ARHGAP45: variants seen among roughly 807,000 people sequenced by gnomAD.
The protein encoded by ARHGAP45 is Rho GTPase activating protein 45, also known as rho GTPase-activating protein 45.
In ARHGAP45, 56 loss-of-function variants were observed where a neutral mutation model predicts 116.1. The ratio of observed to expected loss-of-function variants is 0.48; its 90% CI spans 0.39 to 0.60. ARHGAP45 has a LOEUF of 0.60. Ranked by LOEUF, ARHGAP45 falls within the 20% of genes least tolerant of loss-of-function variation. ARHGAP45 has a pLI of 0.00. For missense variants in ARHGAP45, 1,622 were observed against 1,601.0 expected, an observed-to-expected ratio of 1.01 and a Z score of -0.22; for synonymous variants, 866 against 701.7, an observed-to-expected ratio of 1.23 and a Z score of -3.70.
intron 19 of ARHGAP45, 124 bp downstream of exon 19, chr19:1,082,085 C>T (rs1228181080): frequency 1.3e-6 from 1 of 795,854 alleles, no homozygotes; most frequent in Non-Finnish European, 1.8e-6. Flanking sequence ...CAAGCGGGGG[C>T]CTGGGGAGGA....
At chr19:1,075,722 T>G (rs2043233715) in intron 10 of ARHGAP45, among the ~76,000 whole-genome samples, 2 of 152,202 alleles carry the variant, frequency 1.3e-5, no homozygotes, top group Non-Finnish European at 2.9e-5. Context: ...GCAATGATCC[T>G]CCCACCTCAG....
rs1353199976 is a variant in ARHGAP45 at position 1,082,842 on chromosome 19, T to G, written c.2520T>G (p.Leu840=). The change falls in exon 20 of 23, where the codon CTT becomes CTG. Residue 840 remains leucine, a splice_region_variant and synonymous_variant. Transcript: ENST00000313093. ...TGCTGACCCTTGACTCTGCGCAGCT[T>G]CCCGAGCCGCTCATCTCCTTCCGCC... The part of the protein sequence containing the change: ...SNVLKLYLRQ[L]PEPLISFRLY... The G allele has an allele frequency of 2.0e-6, 3 of 1,497,144 alleles. No individual in the cohort carries two copies. The highest frequency in any genetic ancestry group is 2.3e-5 in the East Asian group (1 of 42,664). The allele number at this position is 1,497,144 out of a possible 1,614,324, so 92.7% of individuals were successfully genotyped here.
Position 1,073,663 on chromosome 19 carries a change from T to C in ARHGAP45, c.651-11T>C, listed in dbSNP as rs1246009958. The C allele has an allele frequency of 1.9e-6, 3 of 1,608,766 alleles. No individual in the cohort carries two copies. Among genetic ancestry groups the C allele is most frequent in the Non-Finnish European group, 2.5e-6 (3 of 1,177,436 alleles). ...GGGTGTCTCTCGATGGTGACCTCGC[T>C]GGCCCTGCAGAGTGTCCGAGTTCCT... On this transcript the variant is annotated splice_polypyrimidine_tract_variant and intron_variant, in intron 4 of 22. Transcript: ENST00000313093.
intron 11 of ARHGAP45, 85 bp downstream of exon 11, chr19:1,078,130 GTTTTTGTT>G (rs112640352): frequency 0.37 from 532,208 of 1,448,536 alleles, 99,707 homozygotes; most frequent in African/African-American, 0.46. Flanking sequence ...CCAGACCTTT[GTTTTTGTT>G]TTTTTGTTTT....
At position 1,085,812 on chromosome 19, in the gene ARHGAP45, G is replaced by T. The variant is rs139988914; in HGVS notation, c.3217G>T (p.Gly1073Cys). The change falls in exon 23 of 23, where the codon GGC (glycine) becomes TGC (cysteine). Residue 1073 changes from glycine to cysteine, a missense_variant. Physicochemically the swap from Gly to Cys is radical, Grantham distance 159 (BLOSUM62 -3). Coordinates refer to ENST00000313093, the MANE Select transcript of ARHGAP45 (RefSeq NM_012292.5). ...AGAGGTGGCTTCTGGCAGCCACAGC[G>T]GCAGTGAGGAGCAGCTGGAGGCCAC... ...SLEVASGSHS[G>C]SEEQLEATAR... is the part of the protein sequence containing the mutation. 2.5e-6 allele frequency: 4 copies of T among 1,612,892 alleles called. No homozygotes were observed. In the East Asian group the frequency reaches 6.7e-5, roughly 27 times the overall value.
intron 21 of ARHGAP45, among the ~76,000 whole-genome samples, 183 bp downstream of exon 21, chr19:1,083,536 C>T (rs1356696684): frequency 6.6e-6 from 1 of 152,184 alleles, no homozygotes; most frequent in East Asian, 1.9e-4. Flanking sequence ...GCGAGGTCTG[C>T]ATTGAATCTG....
Position 1,083,250 on chromosome 19 carries a change from C to T in ARHGAP45, c.2852C>T (p.Ser951Phe). 1 of 1,604,436 alleles carries T rather than the reference C, an allele frequency of 6.2e-7. No homozygotes were observed. The highest frequency in any genetic ancestry group is 8.5e-7 in the Non-Finnish European group (1 of 1,175,804). Reference protein sequence around the residue: ...PRPTEATVSLSSLVDYPHQAR... With the variant: ...PRPTEATVSLFSLVDYPHQAR... ...CCCACCGAGGCCACCGTGTCCCTCT[C>T]CTCCCTGGTGGATTATCCCCATCAG... Residue 951 changes from serine to phenylalanine, a missense_variant, in exon 21 of 23, where the codon TCC becomes TTC. Coordinates refer to ENST00000313093, the MANE Select transcript of ARHGAP45 (RefSeq NM_012292.5).
intron 21 of ARHGAP45, 142 bp from the exon 22 acceptor site, chr19:1,084,096 G>A (rs549375608): frequency 7.5e-5 from 55 of 731,446 alleles, no homozygotes; most frequent in African/African-American, 7.4e-4. Context: ...GCGGTTTCTC[G>A]GGTTTGCTCT....
At chr19:1,077,230 G>A (rs1186535146) in intron 10 of ARHGAP45, 11 of 985,276 alleles carry the variant, frequency 1.1e-5, no homozygotes, top group East Asian at 1.1e-4. Context: ...AGACGCTCCC[G>A]TGGGGGCTGG....
In ARHGAP45 at chr19:1,068,743, C is replaced by G. The variant is rs3764655; in HGVS notation, c.420C>G (p.Asp140Glu). 1 of 1,610,288 alleles carries G rather than the reference C, an allele frequency of 6.2e-7. No homozygotes were observed. The highest frequency in any genetic ancestry group is 8.5e-7 in the Non-Finnish European group (1 of 1,178,356). Residue 140 changes from aspartate (D) to glutamate (E), a missense_variant and splice_region_variant, in exon 2 of 23, where the codon GAC (aspartate) becomes GAG (glutamate). This residue lies in a region of ARHGAP45 where 279 missense variants were observed against 311.9 expected (regional missense o/e 0.89). Coordinates refer to ENST00000313093, the MANE Select transcript of ARHGAP45 (RefSeq NM_012292.5). This position sits in a 1 kb window ranked among gnomAD's most constrained non-coding sequence, Gnocchi z 7.5. ...LEKLKECVLR[D>E]DLLEARRPRA... is the part of the protein sequence containing the mutation. ...AACTTAAGGAGTGTGTGTTGCGTGA[C>G]GGTGAGAGCCACGGGGACACCGAGG... is the stretch of plus-strand genomic sequence containing the variant.
chr19:1,082,183 G>C (rs527763557), intron 19 of ARHGAP45, among the ~76,000 whole-genome samples: 1 of 146,394 alleles, frequency 6.8e-6, no homozygotes, highest in Non-Finnish European at 1.5e-5. Flanking sequence ...GTTCTGCGCC[G>C]AGGCACGGAC....
upstream of ARHGAP45, chr19:1,066,229 G>T: frequency 2.5e-6 from 3 of 1,209,828 alleles, no homozygotes; most frequent in Non-Finnish European, 3.3e-6. Context: ...TGGGGTTCTG[G>T]AAGGGGACAG....
rs974906922 is a variant in ARHGAP45, at chr19:1,071,196, G to A, written c.422-1953G>A. 2.9e-6 allele frequency: 4 copies of A among 1,386,644 alleles called. No homozygotes were observed. In the African/African-American group the frequency reaches 6.2e-5, roughly 22 times the overall value. 85.9% of individuals were successfully genotyped at this position (1,386,644 alleles called of 1,614,324 possible). A position where few individuals can be genotyped will look rare whatever the true frequency, so the allele number is the denominator to read the frequency against. On this transcript the variant is annotated intron_variant, in intron 2 of 22. Coordinates refer to ENST00000313093, the MANE Select transcript of ARHGAP45 (RefSeq NM_012292.5). This position sits in a 1 kb window ranked among gnomAD's most constrained non-coding sequence, Gnocchi z 4.6. ...TTCCCTCGCGGGGGCGGGGCCTCCT[G>A]ACCGGCCGGAGCCGGTTTGGCCACC...
In ARHGAP45 at chr19:1,080,349, A is replaced by T. The variant is rs564708145; in HGVS notation, c.1798A>T (p.Thr600Ser). The change falls in exon 14 of 23, where the codon ACT (threonine) becomes TCT (serine). Residue 600 changes from threonine to serine, a missense_variant. This residue lies in a region of ARHGAP45 where 1,334 missense variants were observed against 1,263.8 expected (regional missense o/e 1.06). Transcript: ENST00000313093. ...GAGCCCCCCAGAAGAAGGCGGGTGCACTGAGGGCACACCTGCCAAGGACCA... is the reference window on the plus strand; with the variant it reads ...GAGCCCCCCAGAAGAAGGCGGGTGCTCTGAGGGCACACCTGCCAAGGACCA... The part of the protein sequence containing the change: ...AGSPPEEGGC[T>S]EGTPAKDHRA... 1.2e-6 allele frequency: 2 copies of T among 1,607,876 alleles called. No individual in the cohort carries two copies. Among genetic ancestry groups the T allele is most frequent in the Admixed American group, 3.4e-5 (2 of 58,710 alleles).
At position 1,086,123 on chromosome 19, in the gene ARHGAP45, C is replaced by T. The variant is rs3761024; in HGVS notation, c.*117C>T. 0.044 allele frequency: 41,785 copies of T among 956,226 alleles called. 1,387 individuals carry two copies. Among genetic ancestry groups the T allele is most frequent in the East Asian group, 0.17 (6,715 of 39,076 alleles). The allele number at this position is 956,226 out of a possible 1,614,324, so 59.2% of individuals were successfully genotyped here. ...GCCGTCCTGGGGTCGCTGCCGAGAG[C>T]GCCTGGACTTCGACGTCCCACCAGC... On this transcript the variant is annotated 3_prime_UTR_variant, in exon 23 of 23. Transcript: ENST00000313093.
In ARHGAP45 at chr19:1,081,970, C is replaced by A; in HGVS notation, c.2517+9C>A. 6.2e-7 allele frequency: 1 copy of A among 1,607,172 alleles called. No individual in the cohort carries two copies. The highest frequency in any genetic ancestry group is 8.5e-7 in the Non-Finnish European group (1 of 1,177,124). On this transcript the variant is annotated intron_variant, in intron 19 of 22. Coordinates refer to ENST00000313093, the MANE Select transcript of ARHGAP45 (RefSeq NM_012292.5). ...AGCTCTACCTGCGTCAGGTGAGACC[C>A]ACCGGTGGTGGCCAGGCAGAGCCTG... is the stretch of plus-strand genomic sequence containing the variant.
Position 1,086,617 on chromosome 19 carries a change from T to G in ARHGAP45, c.*611T>G, listed in dbSNP as rs1464997857. ...ACGTTTATTTTGCTGAAATAAAAAG[T>G]TTTTAATCGGGTGTTTTCTGTGGCA... On this transcript the variant is annotated 3_prime_UTR_variant, in exon 23 of 23. Coordinates refer to ENST00000313093, the MANE Select transcript of ARHGAP45 (RefSeq NM_012292.5). 6.6e-6 allele frequency: 1 copy of G among 151,690 alleles called. No homozygotes were observed. The highest frequency in any genetic ancestry group is 1.5e-5 in the Non-Finnish European group (1 of 67,630). 9.4% of individuals were successfully genotyped at this position (151,690 alleles called of 1,614,324 possible). A position where few individuals can be genotyped will look rare whatever the true frequency, so the allele number is the denominator to read the frequency against.
At chr19:1,073,650 A>T in intron 4 of ARHGAP45, 24 bp from the exon 5 acceptor site, 1 of 1,610,410 alleles carries the variant, frequency 6.2e-7, no homozygotes, top group Non-Finnish European at 8.5e-7. Context: ...GTGTCTCTCG[A>T]TGGTGACCTC....
At chr19:1,077,321 C>A in intron 10 of ARHGAP45, 1 of 984,810 alleles carries the variant, frequency 1.0e-6, no homozygotes, top group Non-Finnish European at 1.2e-6. Flanking sequence ...GCAGAGTGGG[C>A]ACACAGGACA....
Sources: allele counts gnomAD v4.1 joint callset (sites outside exome capture counted in the v4.1 genomes callset), GRCh38; gene constraint gnomAD v4.1.1; regional missense constraint gnomAD v4.1.1; non-coding constraint Gnocchi (gnomAD v3.1); transcripts MANE v1.5; gene names NCBI Gene and HGNC (gene_info 2026-07-23, HGNC 2026-07-21).